The following SBF2 variants were observed in gnomAD, a reference collection of about 807,000 sequenced individuals.
The protein encoded by SBF2 is myotubularin-related protein 13.
A neutral mutation model predicts 225.2 loss-of-function variants in SBF2; 112 were observed. That is an observed-to-expected ratio of 0.50 (90% CI 0.43 to 0.58). The LOEUF (loss-of-function observed/expected upper bound fraction) is 0.58, where lower values mean the gene tolerates loss of function less well. Among genes scored for constraint, SBF2 ranks in the 20% least tolerant of loss-of-function variants. SBF2 has a pLI of 0.00. For missense variants in SBF2, 1,996 were observed against 2,206.2 expected (o/e 0.90, Z 1.91); for synonymous variants, 763 against 773.3 (o/e 0.99, Z 0.22).
intron 16 of SBF2, among the ~76,000 whole-genome samples, chr11:9,919,521 T>C (rs1208317584): frequency 1.3e-5 from 2 of 151,840 alleles, no homozygotes; most frequent in Non-Finnish European, 2.9e-5. Flanking sequence ...TCGTGATCGA[T>C]TGAGCAAGCA....
At chr11:10,070,986 C>A (rs753366000) in intron 2 of SBF2, among the ~76,000 whole-genome samples, 6 of 152,220 alleles carry the variant, frequency 3.9e-5, no homozygotes, top group Non-Finnish European at 7.4e-5. Flanking sequence ...TATAGGAATG[C>A]TTGTGATTTT....
At chr11:9,923,906 T>G (rs1049514231) in intron 16 of SBF2, among the ~76,000 whole-genome samples, 4 of 152,202 alleles carry the variant, frequency 2.6e-5, no homozygotes, top group African/African-American at 7.2e-5. Flanking sequence ...TTTATTAGCT[T>G]GGGTTGAATT....
intron 2 of SBF2, among the ~76,000 whole-genome samples, chr11:10,146,387 G>C (rs1024596710): frequency 3.3e-5 from 5 of 151,806 alleles, no homozygotes; most frequent in African/African-American, 1.2e-4. Flanking sequence ...TAGACCAATG[G>C]AACAGAATAA....
Position 10,133,583 on chromosome 11 carries a change from T to C in SBF2, c.141+60319A>G, listed in dbSNP as rs375762233. The stretch of plus-strand genomic sequence containing the variant: ...CCCCATTGCCCAGGGCCAGCAGGGC[T>C]GCCTGGCTGCTCCGAGTGCGGGGCC... On this transcript the variant is annotated intron_variant, in intron 2 of 39. Transcript: ENST00000256190. Among the ~76,000 whole-genome samples, 5 of 139,420 alleles carry C rather than the reference T, an allele frequency of 3.6e-5. No individual in the cohort carries two copies. In the East Asian group the frequency reaches 8.8e-4, roughly 25 times the overall value. 91.5% of individuals were successfully genotyped at this position (139,420 alleles called of 152,430 possible).
chr11:10,260,096 C>G (rs1397489238), intron 1 of SBF2, among the ~76,000 whole-genome samples: 1 of 152,060 alleles, frequency 6.6e-6, no homozygotes, highest in Non-Finnish European at 1.5e-5. Context: ...TGCCTGACAG[C>G]AAAATAGTTA....
chr11:10,142,109 T>A (rs1303496922), intron 2 of SBF2, among the ~76,000 whole-genome samples: 2 of 152,218 alleles, frequency 1.3e-5, no homozygotes, highest in African/African-American at 4.8e-5. Flanking sequence ...GAGTAACCTG[T>A]GTCATAGATA....
chr11:10,229,409 G>T (rs887099221), intron 1 of SBF2, among the ~76,000 whole-genome samples: 11 of 152,228 alleles, frequency 7.2e-5, no homozygotes, highest in South Asian at 2.1e-4. Flanking sequence ...TGATGTTAGG[G>T]TGTCAATTTT....
chr11:9,787,335 G>A (rs996097586), intron 36 of SBF2, among the ~76,000 whole-genome samples: 10 of 152,200 alleles, frequency 6.6e-5, no homozygotes, highest in Admixed American at 2.0e-4. Context: ...TGCCTTATGT[G>A]GTAGAAGATC....
intron 6 of SBF2, among the ~76,000 whole-genome samples, chr11:10,021,814 C>T (rs965888244): frequency 5.3e-5 from 8 of 152,090 alleles, no homozygotes; most frequent in Admixed American, 3.9e-4. Flanking sequence ...TGACAAAGTC[C>T]AAACAAAATG....
At chr11:9,989,349 T>C in intron 13 of SBF2, 148 bp downstream of exon 13, 1 of 598,022 alleles carries the variant, frequency 1.7e-6, no homozygotes, top group South Asian at 2.2e-5. Flanking sequence ...CAGTATATAC[T>C]GCTTGGGTGA....
At chr11:9,923,493 T>A (rs775371638) in intron 16 of SBF2, among the ~76,000 whole-genome samples, 1 of 152,234 alleles carries the variant, frequency 6.6e-6, no homozygotes, top group Non-Finnish European at 1.5e-5. Context: ...CTTAGAAACA[T>A]CACGGCCACT....
intron 1 of SBF2, among the ~76,000 whole-genome samples, chr11:10,212,145 T>C (rs1464606089): frequency 6.6e-6 from 1 of 152,196 alleles, no homozygotes; most frequent in African/African-American, 2.4e-5. Context: ...AACCCATGGA[T>C]ATGGGAACTA....
intron 26 of SBF2, among the ~76,000 whole-genome samples, chr11:9,834,888 C>T (rs1855638739): frequency 6.6e-6 from 1 of 152,170 alleles, no homozygotes; most frequent in Non-Finnish European, 1.5e-5. Context: ...TGAGCCATCT[C>T]CTTCCACTGT....
At chr11:10,078,525 A>G (rs1312707971) in intron 2 of SBF2, among the ~76,000 whole-genome samples, 2 of 152,178 alleles carry the variant, frequency 1.3e-5, no homozygotes, top group Non-Finnish European at 2.9e-5. Context: ...AAAGTAACAC[A>G]AGGACAGAAA....
At chr11:10,228,519 T>C (rs1344143856) in intron 1 of SBF2, among the ~76,000 whole-genome samples, 1 of 152,126 alleles carries the variant, frequency 6.6e-6, no homozygotes, top group Non-Finnish European at 1.5e-5. Context: ...TTATTGAGAG[T>C]TTTTAGCATG....
intron 2 of SBF2, among the ~76,000 whole-genome samples, chr11:10,066,638 T>C (rs1408415623): frequency 2.0e-5 from 3 of 152,208 alleles, no homozygotes; most frequent in East Asian, 3.8e-4. Context: ...ATAAAGAGCA[T>C]TGATGTGAAA....
At chr11:9,919,785 G>C (rs1863448161) in intron 16 of SBF2, among the ~76,000 whole-genome samples, 1 of 151,978 alleles carries the variant, frequency 6.6e-6, no homozygotes, top group African/African-American at 2.4e-5. Context: ...AATATGAGGG[G>C]TGGTCTCCTC....
intron 16 of SBF2, among the ~76,000 whole-genome samples, chr11:9,942,980 GAAGA>G (rs61495070): frequency 0.49 from 71,829 of 147,354 alleles, 17,893 homozygotes; most frequent in Admixed American, 0.59. Context: ...AAAGAAAGAG[GAAGA>G]AAGAAAGAAA....
intron 1 of SBF2, among the ~76,000 whole-genome samples, chr11:10,207,489 C>T (rs540533445): frequency 1.3e-5 from 2 of 152,096 alleles, no homozygotes; most frequent in African/African-American, 4.8e-5. Context: ...GGCTCTAAAC[C>T]TCTTCCCAGG....
Sources: gnomAD v4.1 joint callset for allele counts (sites outside exome capture counted in the v4.1 genomes callset) on GRCh38, gnomAD v4.1.1 for gene constraint, MANE v1.5 for transcripts, NCBI Gene and HGNC (gene_info 2026-07-23, HGNC 2026-07-21) for gene names.